The following AGBL1 variants were observed in gnomAD, a reference collection of about 807,000 sequenced individuals.
AGBL1 encodes cytosolic carboxypeptidase 4.
AGBL1 carries 130 observed loss-of-function variants against 118.9 expected under a neutral mutation model. The observed-to-expected ratio is 1.09, with a 90% CI of 0.95 to 1.26. The LOEUF (loss-of-function observed/expected upper bound fraction) is 1.26. Among genes scored for constraint, AGBL1 ranks in the 50% most tolerant of loss-of-function variants. AGBL1 has a pLI of 0.00. For missense variants in AGBL1, 1,584 were observed against 1,298.1 expected, an observed-to-expected ratio of 1.22 and a Z score of -3.38; for synonymous variants, 555 against 478.9, an observed-to-expected ratio of 1.16 and a Z score of -2.08.
chr15:86,891,969 T>C (rs2080058830), intron 22 of AGBL1, among the ~76,000 whole-genome samples: 1 of 152,218 alleles, frequency 6.6e-6, no homozygotes, highest in Non-Finnish European at 1.5e-5. Flanking sequence ...TCCTCTCATG[T>C]AAATGCTAAA....
chr15:86,319,576 A>G (rs1229735144), intron 17 of AGBL1, among the ~76,000 whole-genome samples: 1 of 151,736 alleles, frequency 6.6e-6, no homozygotes, highest in Admixed American at 6.6e-5. Flanking sequence ...TCTGACGTAA[A>G]TCATGTTTTT....
At chr15:86,310,405 C>A (rs537374321) in intron 17 of AGBL1, among the ~76,000 whole-genome samples, 11 of 151,958 alleles carry the variant, frequency 7.2e-5, no homozygotes, top group African/African-American at 2.7e-4. Context: ...TCTTGGTGGG[C>A]GTTTGGCATG....
At chr15:86,679,108 C>A (rs1669719893) in intron 22 of AGBL1, among the ~76,000 whole-genome samples, 1 of 151,982 alleles carries the variant, frequency 6.6e-6, no homozygotes, top group Non-Finnish European at 1.5e-5. Flanking sequence ...TTGTTAGCTG[C>A]CAAAACCTAA....
At chr15:86,602,122 T>C (rs1412548910) in intron 21 of AGBL1, among the ~76,000 whole-genome samples, 1 of 152,170 alleles carries the variant, frequency 6.6e-6, no homozygotes, top group African/African-American at 2.4e-5. Context: ...TCTCCATTTT[T>C]CTTTCTTTAA....
intron 5 of AGBL1, among the ~76,000 whole-genome samples, chr15:86,180,320 T>C (rs1347933149): frequency 6.6e-6 from 1 of 152,058 alleles, no homozygotes; most frequent in African/African-American, 2.4e-5. Context: ...GTATGGAAGA[T>C]AGTGGGGTAT....
chr15:86,716,611 C>T (rs1473070568), intron 22 of AGBL1, among the ~76,000 whole-genome samples: 1 of 152,208 alleles, frequency 6.6e-6, no homozygotes, highest in Non-Finnish European at 1.5e-5. Context: ...TCACGGCTAT[C>T]TCCAGCCAAT....
At chr15:86,809,861 T>C (rs558537546) in intron 22 of AGBL1, among the ~76,000 whole-genome samples, 2 of 152,302 alleles carry the variant, frequency 1.3e-5, no homozygotes, top group African/African-American at 2.4e-5. Context: ...GCTCTGGACC[T>C]GGCTTTGGGC....
Position 86,100,216 on chromosome 15 carries a change from T to C in AGBL1, c.51+20193T>C, listed in dbSNP as rs151010813. ...TGACCATGGCTTATTCTTTTTATGATGCATGTTAGATTTAGTAAGCTAGCA... is the reference window on the plus strand; with the variant it reads ...TGACCATGGCTTATTCTTTTTATGACGCATGTTAGATTTAGTAAGCTAGCA... On this transcript the variant is annotated intron_variant, in intron 1 of 22. Transcript: ENST00000614907. 2.8e-3 allele frequency among the ~76,000 whole-genome samples: 431 copies of C among 152,332 alleles called. 2 individuals carry two copies. Among genetic ancestry groups the C allele is most frequent in the African/African-American group, 0.01 (422 of 41,572 alleles).
chr15:86,722,551 A>T (rs902972110), intron 22 of AGBL1, among the ~76,000 whole-genome samples: 2 of 152,166 alleles, frequency 1.3e-5, no homozygotes, highest in African/African-American at 4.8e-5. Flanking sequence ...AACCATAAAA[A>T]CCCTAGAAGA....
intron 1 of AGBL1, among the ~76,000 whole-genome samples, chr15:86,133,694 G>T (rs1444659592): frequency 1.3e-5 from 2 of 152,164 alleles, no homozygotes; most frequent in African/African-American, 2.4e-5. Context: ...TGATATCCTT[G>T]ACAATTCATT....
chr15:86,634,939 A>G (rs1338628177), intron 21 of AGBL1, among the ~76,000 whole-genome samples: 1 of 152,160 alleles, frequency 6.6e-6, no homozygotes, highest in African/African-American at 2.4e-5. Flanking sequence ...TTGACTTAAC[A>G]AGAGATGGCA....
intron 21 of AGBL1, among the ~76,000 whole-genome samples, chr15:86,593,960 T>C (rs1314657914): frequency 6.6e-6 from 1 of 152,090 alleles, no homozygotes; most frequent in Non-Finnish European, 1.5e-5. Context: ...TTTTGCTCTG[T>C]CACTCAGGTT....
intron 1 of AGBL1, among the ~76,000 whole-genome samples, chr15:86,098,394 A>G (rs879677659): frequency 2.0e-5 from 3 of 152,120 alleles, no homozygotes; most frequent in East Asian, 1.9e-4. Flanking sequence ...CTTTGGGCCA[A>G]TGTCCTAAAG....
At chr15:86,585,026 A>G (rs1436795869) in intron 21 of AGBL1, among the ~76,000 whole-genome samples, 2 of 152,148 alleles carry the variant, frequency 1.3e-5, no homozygotes, top group Non-Finnish European at 2.9e-5. Context: ...ATTTTTATAC[A>G]TTGACTTTGT....
chr15:86,358,648 A>G (rs1018832622), intron 17 of AGBL1, among the ~76,000 whole-genome samples: 1 of 152,076 alleles, frequency 6.6e-6, no homozygotes, highest in Non-Finnish European at 1.5e-5. Flanking sequence ...ATCCACTAGC[A>G]GTGTGCAAGG....
Position 86,539,208 on chromosome 15 carries a change from C to T in AGBL1, c.2686-6794C>T, listed in dbSNP as rs117929104. Among the ~76,000 whole-genome samples the T allele has an allele frequency of 2.0e-5, 3 of 152,316 alleles. No homozygotes were observed. In the East Asian group the frequency reaches 5.8e-4, roughly 29 times the overall value. ...ACTAGATGAAACTACACAAAGTCTT[C>T]AATTCTGCATTTCTTCCTATGTTCC... is the stretch of plus-strand genomic sequence containing the variant. On this transcript the variant is annotated intron_variant, in intron 19 of 22. Coordinates refer to ENST00000614907, the MANE Select transcript of AGBL1 (RefSeq NM_001386094.1).
Position 86,908,803 on chromosome 15 carries a change from G to A in AGBL1, c.*1509G>A, listed in dbSNP as rs1302809388. 1 of 152,252 alleles carries A rather than the reference G, an allele frequency of 6.6e-6. No homozygotes were observed. The highest frequency in any genetic ancestry group is 2.4e-5 in the African/African-American group (1 of 41,452). 9.4% of individuals were successfully genotyped at this position (152,252 alleles called of 1,614,324 possible). On this transcript the variant is annotated 3_prime_UTR_variant, in exon 23 of 23. Coordinates refer to ENST00000614907, the MANE Select transcript of AGBL1 (RefSeq NM_001386094.1). The stretch of plus-strand genomic sequence containing the variant: ...ATAGAATACGCTAGGTCAAACTTAG[G>A]CTGTTTTAGATGTCATGTGTATTAG...
chr15:86,390,701 C>CTTTTTTTTTTTTTTT (rs1555477580), intron 17 of AGBL1, among the ~76,000 whole-genome samples: 1 of 76,812 alleles, frequency 1.3e-5, no homozygotes, highest in Non-Finnish European at 2.3e-5. Context: ...CAGAGTTTTG[C>CTTTTTTTTTTTTTTT]TCTTGTCACC....
chr15:86,614,822 T>A (rs2084700098), intron 21 of AGBL1, among the ~76,000 whole-genome samples: 1 of 152,212 alleles, frequency 6.6e-6, no homozygotes, highest in Admixed American at 6.5e-5. Flanking sequence ...TATAATCTAC[T>A]GATCGTAAGA....
Sources: gnomAD v4.1 joint callset for allele counts (sites outside exome capture counted in the v4.1 genomes callset) on GRCh38, gnomAD v4.1.1 for gene constraint, MANE v1.5 for transcripts, NCBI Gene and HGNC (gene_info 2026-07-23, HGNC 2026-07-21) for gene names.